NRG1: variants seen among roughly 807,000 people sequenced by gnomAD.
NRG1 encodes the protein pro-neuregulin-1, membrane-bound isoform.
In NRG1, 18 loss-of-function variants were observed where a neutral mutation model predicts 63.8. The observed-to-expected ratio is 0.28, with a 90% CI of 0.19 to 0.42. NRG1 has a LOEUF of 0.42. Ranked by LOEUF, NRG1 falls within the 10% of genes least tolerant of loss-of-function variation. The pLI is 1.00. For missense variants in NRG1, 762 were observed against 814.7 expected, an observed-to-expected ratio of 0.94 and a Z score of 0.79; for synonymous variants, 302 against 301.3, an observed-to-expected ratio of 1.00 and a Z score of -0.02.
At chr8:32,424,946 T>C (rs2129486347) in intron 1 of NRG1, among the ~76,000 whole-genome samples, 1 of 152,294 alleles carries the variant, frequency 6.6e-6, no homozygotes, top group South Asian at 2.1e-4. Context: ...TTTGAGTCTT[T>C]GTTTCCTCAT....
rs917167086 is a variant in NRG1, at chr8:32,511,572, T to C, written c.38-84256T>C. On this transcript the variant is annotated intron_variant, in intron 1 of 10. Transcript: ENST00000519301. ...GCCCCAAATACACAGAGGAATTTTA[T>C]ACTGAAAGTTAAAGAAGCGACAGTA... is the stretch of plus-strand genomic sequence containing the variant. Among the ~76,000 whole-genome samples, 5 of 151,834 alleles carry C rather than the reference T, an allele frequency of 3.3e-5. No individual in the cohort carries two copies. In the South Asian group the frequency reaches 6.3e-4, roughly 19 times the overall value.
At chr8:31,985,715 A>T (rs1270292138) in intron 1 of NRG1, among the ~76,000 whole-genome samples, 1 of 152,114 alleles carries the variant, frequency 6.6e-6, no homozygotes, top group African/African-American at 2.4e-5. Context: ...GTATGTTTCT[A>T]CTACATTAAA....
chr8:32,610,525 A>G (rs1158992478), intron 3 of NRG1, among the ~76,000 whole-genome samples: 1 of 152,202 alleles, frequency 6.6e-6, no homozygotes. Context: ...GACTAAATAT[A>G]AACGAAATGA....
At chr8:32,401,445 C>T (rs538965710) in intron 1 of NRG1, among the ~76,000 whole-genome samples, 35 of 152,276 alleles carry the variant, frequency 2.3e-4, no homozygotes, top group Non-Finnish European at 3.5e-4. Flanking sequence ...TGTCTCCCTT[C>T]ACTAGAGGTT....
At chr8:32,603,980 A>C (rs2129539154) in intron 2 of NRG1, among the ~76,000 whole-genome samples, 1 of 152,346 alleles carries the variant, frequency 6.6e-6, no homozygotes, top group South Asian at 2.1e-4. Flanking sequence ...GTCTGAAGAG[A>C]AAGCATAGCC....
chr8:32,305,767 C>T (rs572335586), intron 1 of NRG1, among the ~76,000 whole-genome samples: 1 of 152,180 alleles, frequency 6.6e-6, no homozygotes, highest in African/African-American at 2.4e-5. Flanking sequence ...GGGGATGTTA[C>T]CTTAAGCCCA....
Position 32,102,736 on chromosome 8 carries a change from C to A in NRG1, c.37+463305C>A, listed in dbSNP as rs147377146. 3.0e-3 allele frequency among the ~76,000 whole-genome samples: 463 copies of A among 152,268 alleles called. 2 individuals carry two copies. The highest frequency in any genetic ancestry group is 0.011 in the African/African-American group (443 of 41,558). ...TCACAGGACCTGGATTCAAGCCCTG[C>A]CATCGAATCCAGCTGGGTGTTTCTG... On this transcript the variant is annotated intron_variant, in intron 1 of 10. Transcript: ENST00000519301.
At chr8:32,106,742 A>G (rs1831312805) in intron 1 of NRG1, among the ~76,000 whole-genome samples, 1 of 151,968 alleles carries the variant, frequency 6.6e-6, no homozygotes, top group Admixed American at 6.6e-5. Flanking sequence ...TACATAATTT[A>G]CTCCCTTTTT....
At chr8:31,771,996 G>T (rs570864402) in intron 1 of NRG1, among the ~76,000 whole-genome samples, 1 of 152,182 alleles carries the variant, frequency 6.6e-6, no homozygotes, top group Admixed American at 6.5e-5. Context: ...GGTCAAGCCT[G>T]TTCAAAACTG....
At chr8:31,757,562 G>A (rs573848316) in intron 1 of NRG1, among the ~76,000 whole-genome samples, 65 of 152,146 alleles carry the variant, frequency 4.3e-4, no homozygotes, top group African/African-American at 1.6e-3. Context: ...CTAGAAAAAT[G>A]CCACACCAAG....
rs117357504 is a variant in NRG1, at chr8:32,393,572, G to A, written c.38-202256G>A. Among the ~76,000 whole-genome samples, 303 of 152,300 alleles carry A rather than the reference G, an allele frequency of 2.0e-3. 1 individual carries two copies. Among genetic ancestry groups the A allele is most frequent in the Middle Eastern group, 3.4e-3 (1 of 294 alleles). ...GCAGCCATAAAAAGAACAAATTTATGTCCTTTACAGGAACATGGATGGAGC... is the reference window on the plus strand; with the variant it reads ...GCAGCCATAAAAAGAACAAATTTATATCCTTTACAGGAACATGGATGGAGC... On this transcript the variant is annotated intron_variant, in intron 1 of 10. Transcript: ENST00000519301.
At chr8:31,708,453 T>G (rs1811376082) in intron 1 of NRG1, among the ~76,000 whole-genome samples, 2 of 150,822 alleles carry the variant, frequency 1.3e-5, no homozygotes, top group South Asian at 2.1e-4. Context: ...ATTGTTTTTT[T>G]TTTTTTTTTT....
intron 1 of NRG1, among the ~76,000 whole-genome samples, chr8:32,328,886 T>C (rs957951758): frequency 4.6e-5 from 7 of 152,028 alleles, no homozygotes; most frequent in African/African-American, 1.5e-4. Context: ...GAGTTGAACA[T>C]AAACATAAGG....
chr8:31,898,072 A>T (rs1831743894), intron 1 of NRG1, among the ~76,000 whole-genome samples: 1 of 151,418 alleles, frequency 6.6e-6, no homozygotes, highest in South Asian at 2.1e-4. Context: ...AGCCCCTCAC[A>T]CCTTGCCACT....
chr8:32,355,253 G>C (rs1806213660), intron 1 of NRG1, among the ~76,000 whole-genome samples: 1 of 152,106 alleles, frequency 6.6e-6, no homozygotes, highest in Non-Finnish European at 1.5e-5. Flanking sequence ...GAGCTCAGGA[G>C]TTCAAAACCA....
At chr8:32,516,027 A>G (rs922557730) in intron 1 of NRG1, among the ~76,000 whole-genome samples, 2 of 152,186 alleles carry the variant, frequency 1.3e-5, no homozygotes, top group Non-Finnish European at 2.9e-5. Context: ...GTTTTCTTCT[A>G]GGATTTTAAA....
At chr8:32,334,205 T>A (rs1341989821) in intron 1 of NRG1, among the ~76,000 whole-genome samples, 3 of 152,126 alleles carry the variant, frequency 2.0e-5, no homozygotes. Context: ...CTTTTTAGTG[T>A]CCAGCATGGA....
intron 1 of NRG1, among the ~76,000 whole-genome samples, chr8:32,339,038 T>C (rs1172234389): frequency 6.6e-6 from 1 of 152,014 alleles, no homozygotes; most frequent in Non-Finnish European, 1.5e-5. Flanking sequence ...CATTGTTAAT[T>C]TGAGTGACTG....
chr8:32,332,779 G>A (rs1321567956), intron 1 of NRG1, among the ~76,000 whole-genome samples: 1 of 152,170 alleles, frequency 6.6e-6, no homozygotes, highest in East Asian at 1.9e-4. Context: ...ACCAGACCGT[G>A]AGGCCTCTCT....
Sources: allele counts gnomAD v4.1 joint callset (sites outside exome capture counted in the v4.1 genomes callset), GRCh38; gene constraint gnomAD v4.1.1; transcripts MANE v1.5; gene names NCBI Gene and HGNC (gene_info 2026-07-23, HGNC 2026-07-21).